DIP2B: variants seen among roughly 807,000 people sequenced by gnomAD.
DIP2B encodes the protein disco-interacting protein 2 homolog B.
In DIP2B, 76 loss-of-function variants were observed where a neutral mutation model predicts 198.0. The observed-to-expected ratio is 0.38, with a 90% confidence interval of 0.32 to 0.46. DIP2B has a LOEUF of 0.46. DIP2B is among the 20% of genes least tolerant of loss of function. DIP2B has a pLI of 0.99. For missense variants in DIP2B, 1,559 were observed against 1,978.4 expected (o/e 0.79, Z 4.02); for synonymous variants, 701 against 739.1 (o/e 0.95, Z 0.84).
intron 16 of DIP2B, 54 bp from the exon 17 acceptor site, chr12:50,697,007 A>G (rs1049945504): frequency 3.3e-5 from 44 of 1,327,934 alleles, no homozygotes; most frequent in Non-Finnish European, 4.3e-5. Context: ...CCATTTTCCT[A>G]CAGTAATGAA....
At chr12:50,694,830 A>G (rs1319858481) in intron 14 of DIP2B, among the ~76,000 whole-genome samples, 2 of 152,130 alleles carry the variant, frequency 1.3e-5, no homozygotes, top group Non-Finnish European at 2.9e-5. Flanking sequence ...TGATATAGCC[A>G]AACAATGGAA....
Position 50,536,867 on chromosome 12 carries a change from AT to A in DIP2B, c.100+31639del, listed in dbSNP as rs11390181. On this transcript the variant is annotated intron_variant, in intron 1 of 37. Coordinates refer to ENST00000301180, the MANE Select transcript of DIP2B (RefSeq NM_173602.3). Reference sequence around the variant, plus strand: ...TACAGGTGTGAGCCACAATAATTGTATTTTTTTTTTTTAATGTTGAACTGTC... The same window carrying A: ...TACAGGTGTGAGCCACAATAATTGTATTTTTTTTTTTAATGTTGAACTGTC... 9.8e-3 allele frequency among the ~76,000 whole-genome samples: 1,416 copies of A among 144,150 alleles called. 16 individuals are homozygous for A. The highest frequency in any genetic ancestry group is 0.027 in the African/African-American group (1,062 of 39,152). 94.6% of individuals were successfully genotyped at this position (144,150 alleles called of 152,430 possible). A position where few individuals can be genotyped will look rare whatever the true frequency, so the allele number is the denominator to read the frequency against.
chr12:50,519,869 C>G (rs1958100122), intron 1 of DIP2B, among the ~76,000 whole-genome samples: 1 of 149,424 alleles, frequency 6.7e-6, no homozygotes, highest in South Asian at 2.1e-4. Context: ...AGGACTGTTG[C>G]TTTTAGGCAT....
intron 2 of DIP2B, among the ~76,000 whole-genome samples, chr12:50,628,095 A>C (rs1228431621): frequency 6.6e-6 from 1 of 152,134 alleles, no homozygotes; most frequent in East Asian, 1.9e-4. Flanking sequence ...TGATGGGCCG[A>C]GCGTGGAGGC....
At chr12:50,646,860 G>A (rs1052145354) in intron 3 of DIP2B, among the ~76,000 whole-genome samples, 2 of 152,146 alleles carry the variant, frequency 1.3e-5, no homozygotes, top group African/African-American at 4.8e-5. Flanking sequence ...CTGATCTGGT[G>A]ATGGCTGGCA....
At chr12:50,564,686 C>T (rs945693228) in intron 1 of DIP2B, among the ~76,000 whole-genome samples, 1 of 152,142 alleles carries the variant, frequency 6.6e-6, no homozygotes, top group East Asian at 1.9e-4. Context: ...GTTTGATTTA[C>T]AGAGTGTTTT....
intron 3 of DIP2B, among the ~76,000 whole-genome samples, chr12:50,647,377 C>G (rs575909431): frequency 6.6e-6 from 1 of 152,042 alleles, no homozygotes; most frequent in Non-Finnish European, 1.5e-5. Context: ...GATGTCTGAG[C>G]CATTTTGAAG....
At chr12:50,638,117 C>A (rs1327935394) in intron 2 of DIP2B, among the ~76,000 whole-genome samples, 1 of 152,144 alleles carries the variant, frequency 6.6e-6, no homozygotes, top group Non-Finnish European at 1.5e-5. Context: ...AGATCAGAAA[C>A]CCCCGAACTG....
intron 28 of DIP2B, among the ~76,000 whole-genome samples, chr12:50,726,217 G>A (rs1051479143): frequency 5.2e-4 from 79 of 152,206 alleles, no homozygotes; most frequent in Non-Finnish European, 4.4e-5. Context: ...GAAAGCCAAA[G>A]GAGCCATTGA....
At chr12:50,561,421 C>T (rs1958518501) in intron 1 of DIP2B, among the ~76,000 whole-genome samples, 1 of 151,924 alleles carries the variant, frequency 6.6e-6, no homozygotes, top group Non-Finnish European at 1.5e-5. Context: ...ATGGCTTTCA[C>T]CTAGTTAATT....
chr12:50,720,473 G>A (rs1323579264), intron 25 of DIP2B, among the ~76,000 whole-genome samples: 1 of 151,612 alleles, frequency 6.6e-6, no homozygotes, highest in Non-Finnish European at 1.5e-5. Flanking sequence ...CTTAATGAGA[G>A]GAATATGTTG....
chr12:50,574,330 C>A (rs954992354), intron 1 of DIP2B, among the ~76,000 whole-genome samples: 9 of 152,126 alleles, frequency 5.9e-5, no homozygotes, highest in African/African-American at 1.9e-4. Flanking sequence ...TGGCAAAAAA[C>A]CAAACTATTA....
chr12:50,715,537 C>T (rs1939698790), intron 23 of DIP2B, among the ~76,000 whole-genome samples: 1 of 152,042 alleles, frequency 6.6e-6, no homozygotes, highest in African/African-American at 2.4e-5. Context: ...CAAGTGAGAC[C>T]ATGAAGTATA....
At chr12:50,626,912 G>A (rs1937947061) in intron 2 of DIP2B, among the ~76,000 whole-genome samples, 1 of 151,808 alleles carries the variant, frequency 6.6e-6, no homozygotes, top group Admixed American at 6.6e-5. Flanking sequence ...AATAAATAAT[G>A]GTGATATACC....
intron 2 of DIP2B, among the ~76,000 whole-genome samples, chr12:50,629,473 T>C (rs530732879): frequency 7.2e-5 from 11 of 152,286 alleles, no homozygotes; most frequent in African/African-American, 2.4e-4. Flanking sequence ...TTGAGCTTGG[T>C]GGTCCAGGGA....
intron 1 of DIP2B, 89 bp downstream of exon 1, chr12:50,505,329 G>T (rs1593558795): frequency 1.8e-6 from 2 of 1,091,518 alleles, no homozygotes; most frequent in East Asian, 6.0e-5. Context: ...TCTGGCGGCC[G>T]TGCGGCGAGG....
chr12:50,638,303 A>G (rs1194837696), intron 2 of DIP2B, among the ~76,000 whole-genome samples: 1 of 152,250 alleles, frequency 6.6e-6, no homozygotes, highest in Non-Finnish European at 1.5e-5. Flanking sequence ...TCATCCTATA[A>G]GCAGAACAAT....
intron 1 of DIP2B, among the ~76,000 whole-genome samples, chr12:50,591,227 A>G (rs1459506169): frequency 2.0e-5 from 3 of 152,236 alleles, no homozygotes; most frequent in Admixed American, 2.0e-4. Context: ...GCAGGAATTC[A>G]ATAATCTGTT....
rs748861073 is a variant in DIP2B, at chr12:50,706,583, G to A, written c.2452G>A (p.Val818Ile). 3 of 1,613,996 alleles carry A rather than the reference G, an allele frequency of 1.9e-6. No homozygotes were observed. The highest frequency in any genetic ancestry group is 2.5e-6 in the Non-Finnish European group (3 of 1,179,990). ...TGGGAAAATGGATGGCTTACTGATGGTTAGTGGTCGAAGACATAATGCTGA... is the reference window on the plus strand; with the variant it reads ...TGGGAAAATGGATGGCTTACTGATGATTAGTGGTCGAAGACATAATGCTGA... The part of the protein sequence containing the change: ...VVGKMDGLLM[V>I]SGRRHNADDI... Residue 818 changes from valine to isoleucine, a missense_variant, in exon 21 of 38, where the codon GTT (valine) becomes ATT (isoleucine). Val to Ile is a conservative substitution (Grantham distance 29, BLOSUM62 3). Coordinates refer to ENST00000301180, the MANE Select transcript of DIP2B (RefSeq NM_173602.3).
Sources: allele counts gnomAD v4.1 joint callset (sites outside exome capture counted in the v4.1 genomes callset), GRCh38; gene constraint gnomAD v4.1.1; transcripts MANE v1.5; gene names NCBI Gene and HGNC (gene_info 2026-07-23, HGNC 2026-07-21).